The following PPP2R2D variants were observed in gnomAD, a reference collection of about 807,000 sequenced individuals.
The protein encoded by PPP2R2D is protein phosphatase 2 regulatory subunit Bdelta.
In PPP2R2D, 9 loss-of-function variants were observed where a neutral mutation model predicts 31.1. The observed-to-expected ratio is 0.29, with a 90% CI of 0.17 to 0.51. The LOEUF (loss-of-function observed/expected upper bound fraction) is 0.51. PPP2R2D is among the 20% of genes least tolerant of loss of function. PPP2R2D has a pLI of 0.98. For synonymous variants in PPP2R2D, 179 were observed against 172.6 expected, an observed-to-expected ratio of 1.04 and a Z score of -0.29; for missense variants, 391 against 465.6, an observed-to-expected ratio of 0.84 and a Z score of 1.48.
At chr10:131,940,940 A>G in intron 5 of PPP2R2D, 1 of 376,256 alleles carries the variant, frequency 2.7e-6, no homozygotes, top group Non-Finnish European at 4.8e-6. Context: ...GAAAACTCAT[A>G]TTTAATTCTA....
At chr10:131,961,603 G>T (rs1357742118), downstream of PPP2R2D, among the ~76,000 whole-genome samples, 2 of 152,210 alleles carry the variant, frequency 1.3e-5, no homozygotes, top group Non-Finnish European at 2.9e-5. Context: ...ACAGTGCGGG[G>T]CTGCCTACAG....
At chr10:131,901,725 G>T (rs932528170) in intron 2 of PPP2R2D, among the ~76,000 whole-genome samples, 1 of 152,144 alleles carries the variant, frequency 6.6e-6, no homozygotes, top group Non-Finnish European at 1.5e-5. Flanking sequence ...TCGTGCGCTC[G>T]GGCAGCGCGG....
At chr10:131,911,048 T>C (rs901839778) in intron 2 of PPP2R2D, among the ~76,000 whole-genome samples, 26,064 of 152,106 alleles carry the variant, frequency 0.17, 2,757 homozygotes, top group East Asian at 0.41. Flanking sequence ...AACTAAAGTG[T>C]TTCCCTGAGA....
chr10:131,901,462 G>T (rs1292662308), intron 2 of PPP2R2D, 132 bp downstream of exon 2: 2 of 322,700 alleles, frequency 6.2e-6, no homozygotes, highest in East Asian at 9.6e-5. Context: ...CAGGGGCCAG[G>T]GGCCGAGCTG....
At chr10:131,960,015 C>T (rs147127814), downstream of PPP2R2D, among the ~76,000 whole-genome samples, 379 of 152,306 alleles carry the variant, frequency 2.5e-3, no homozygotes, top group African/African-American at 8.3e-3. Flanking sequence ...AGGTCTGCGG[C>T]GCACGTTCCC....
intron 2 of PPP2R2D, among the ~76,000 whole-genome samples, chr10:131,920,413 TCA>T (rs2035960829): frequency 1.3e-5 from 2 of 152,076 alleles, no homozygotes; most frequent in South Asian, 2.1e-4. Context: ...TGTAGGGACC[TCA>T]CGCGGGTGGA....
chr10:131,935,185 GC>G (rs2036317045), intron 3 of PPP2R2D, among the ~76,000 whole-genome samples: 1 of 152,192 alleles, frequency 6.6e-6, no homozygotes, highest in Non-Finnish European at 1.5e-5. Context: ...TTTCTGTTGA[GC>G]CTCCTCAGAG....
chr10:131,932,857 A>G (rs2036267912), intron 2 of PPP2R2D, among the ~76,000 whole-genome samples: 1 of 152,078 alleles, frequency 6.6e-6, no homozygotes, highest in South Asian at 2.1e-4. Flanking sequence ...TTTTAGGTTC[A>G]CGCGTGTTTG....
chr10:131,917,359 C>A (rs1433955673), intron 2 of PPP2R2D, among the ~76,000 whole-genome samples: 1 of 117,924 alleles, frequency 8.5e-6, no homozygotes, highest in Non-Finnish European at 1.7e-5. Flanking sequence ...AGTGTAGGGA[C>A]CTCACGCAGG....
At chr10:131,936,398 G>A (rs899068447) in intron 3 of PPP2R2D, among the ~76,000 whole-genome samples, 34 of 151,898 alleles carry the variant, frequency 2.2e-4, no homozygotes, top group African/African-American at 2.4e-5. Flanking sequence ...CGCCCACCTC[G>A]GCCTCCCAAA....
chr10:131,902,010 A>G (rs905313127), intron 2 of PPP2R2D, among the ~76,000 whole-genome samples: 362 of 152,214 alleles, frequency 2.4e-3, no homozygotes, highest in African/African-American at 8.0e-3. Context: ...CTTAAATCAT[A>G]CTCTCAAATT....
At chr10:131,948,869 A>C (rs1256401935) in intron 8 of PPP2R2D, among the ~76,000 whole-genome samples, 1 of 152,190 alleles carries the variant, frequency 6.6e-6, no homozygotes, top group African/African-American at 2.4e-5. Context: ...GTCTCCCTCC[A>C]CTGGCAGATA....
chr10:131,959,191 T>G lies in PPP2R2D; in HGVS notation c.*3228T>G. On this transcript the variant is annotated 3_prime_UTR_variant, in exon 9 of 9. Coordinates refer to ENST00000455566, the MANE Select transcript of PPP2R2D (RefSeq NM_018461.5). Reference sequence around the variant, plus strand: ...CGGTCCCCCTGTGGAGATGAAGGTGTGTGCTGATCCCCCGTCCTCCTGTGG... The same window carrying G: ...CGGTCCCCCTGTGGAGATGAAGGTGGGTGCTGATCCCCCGTCCTCCTGTGG... The G allele has an allele frequency of 1.2e-5, 2 of 161,274 alleles. No homozygotes were observed. The highest frequency in any genetic ancestry group is 3.1e-5 in the African/African-American group (1 of 32,764). The allele number at this position is 161,274 out of a possible 1,614,324, so 10.0% of individuals were successfully genotyped here. A position where few individuals can be genotyped will look rare whatever the true frequency, so the allele number is the denominator to read the frequency against.
At chr10:131,918,590 C>T (rs1420965303) in intron 2 of PPP2R2D, among the ~76,000 whole-genome samples, 13 of 132,256 alleles carry the variant, frequency 9.8e-5, no homozygotes, top group African/African-American at 3.5e-4. Flanking sequence ...AGGGACCTAA[C>T]GCGGGTGGAG....
At chr10:131,919,548 GA>G (rs2035920374) in intron 2 of PPP2R2D, among the ~76,000 whole-genome samples, 1 of 124,472 alleles carries the variant, frequency 8.0e-6, no homozygotes, top group Non-Finnish European at 1.7e-5. Context: ...CAGGCGGGTG[GA>G]ATGACACAAT....
chr10:131,916,738 G>GTGTT (rs559619179), intron 2 of PPP2R2D, among the ~76,000 whole-genome samples: 1 of 84,610 alleles, frequency 1.2e-5, no homozygotes, highest in African/African-American at 4.5e-5. Flanking sequence ...GAATGACACA[G>GTGTT]TGTAGGGACC....
chr10:131,949,628 T>C (rs1266730817), intron 8 of PPP2R2D, among the ~76,000 whole-genome samples: 1 of 152,022 alleles, frequency 6.6e-6, no homozygotes, highest in Admixed American at 6.6e-5. Context: ...GCTTGAGATA[T>C]TCACAGACTA....
Position 131,955,997 on chromosome 10 carries a change from A to T in PPP2R2D, c.*34A>T. On this transcript the variant is annotated 3_prime_UTR_variant, in exon 9 of 9. Coordinates refer to ENST00000455566, the MANE Select transcript of PPP2R2D (RefSeq NM_018461.5). ...ACGTGAGGACCAAGTCTTGTCTTGC[A>T]TAGTTAAGCCGGACATTTTTCTGTC... 1 of 1,416,422 alleles carries T rather than the reference A, an allele frequency of 7.1e-7. No homozygotes were observed. The allele number at this position is 1,416,422 out of a possible 1,614,324, so 87.7% of individuals were successfully genotyped here.
downstream of PPP2R2D, among the ~76,000 whole-genome samples, chr10:131,961,002 T>TG (rs1246283975): frequency 5.3e-5 from 8 of 152,120 alleles, no homozygotes; most frequent in East Asian, 7.8e-4. Flanking sequence ...GTCCTGTCGT[T>TG]GCTGTGCTGG....
Sources: allele counts gnomAD v4.1 joint callset (sites outside exome capture counted in the v4.1 genomes callset), GRCh38; gene constraint gnomAD v4.1.1; transcripts MANE v1.5; gene names NCBI Gene and HGNC (gene_info 2026-07-23, HGNC 2026-07-21).